The following XRCC2 variants were observed in gnomAD, a reference collection of about 807,000 sequenced individuals.
The protein encoded by XRCC2 is X-ray repair cross complementing 2, also known as DNA repair protein XRCC2.
In XRCC2, 24 loss-of-function variants were observed where a neutral mutation model predicts 27.3. The observed-to-expected ratio is 0.88, with a 90% CI of 0.64 to 1.24. The LOEUF is 1.24. Ranked by LOEUF, XRCC2 falls within the 50% of genes most tolerant of loss-of-function variation. The pLI is 0.00. For missense variants in XRCC2, 321 were observed against 325.8 expected (o/e 0.99, Z 0.11); for synonymous variants, 106 against 115.4 (o/e 0.92, Z 0.52).
At chr7:152,671,138 A>G (rs2098037999) in intron 1 of XRCC2, among the ~76,000 whole-genome samples, 1 of 152,120 alleles carries the variant, frequency 6.6e-6, no homozygotes, top group South Asian at 2.1e-4. Flanking sequence ...TCACTTGGAT[A>G]TGGGAGGCGG....
chr7:152,663,331 A>G (rs3218455), intron 1 of XRCC2, among the ~76,000 whole-genome samples: 7,468 of 124,536 alleles, frequency 0.06, 302 homozygotes, highest in Middle Eastern at 0.11. Flanking sequence ...GCTTTACGTA[A>G]GAATGTCTTT....
At chr7:152,668,447 A>C (rs1563033306) in intron 1 of XRCC2, among the ~76,000 whole-genome samples, 1 of 152,164 alleles carries the variant, frequency 6.6e-6, no homozygotes, top group African/African-American at 2.4e-5. Context: ...ATTAAAATTA[A>C]TGATGTCCAG....
At chr7:152,659,500 TCTGACG>T (rs1263853412) in intron 2 of XRCC2, among the ~76,000 whole-genome samples, 3 of 152,158 alleles carry the variant, frequency 2.0e-5, no homozygotes, top group Admixed American at 2.0e-4. Flanking sequence ...GAGCAAAGGA[TCTGACG>T]TTTCTTCAAA....
intron 1 of XRCC2, among the ~76,000 whole-genome samples, chr7:152,669,701 C>G (rs1344762460): frequency 6.6e-6 from 1 of 151,868 alleles, no homozygotes; most frequent in African/African-American, 2.4e-5. Context: ...CCATGCCTGG[C>G]CACTTACCGG....
chr7:152,667,601 C>T (rs1045218275), intron 1 of XRCC2, among the ~76,000 whole-genome samples: 3 of 146,336 alleles, frequency 2.1e-5, no homozygotes, highest in Non-Finnish European at 3.1e-5. Flanking sequence ...TCCAAAGCAA[C>T]GTTTTACAAC....
intron 1 of XRCC2, among the ~76,000 whole-genome samples, chr7:152,669,622 C>T (rs1314714062): frequency 6.6e-6 from 1 of 151,874 alleles, no homozygotes; most frequent in Non-Finnish European, 1.5e-5. Flanking sequence ...AGGCTGGTCT[C>T]AAACTCCTGA....
At chr7:152,665,652 T>C (rs1221819354) in intron 1 of XRCC2, among the ~76,000 whole-genome samples, 1 of 152,002 alleles carries the variant, frequency 6.6e-6, no homozygotes, top group Non-Finnish European at 1.5e-5. Flanking sequence ...GCTAATTTTT[T>C]TTGTTATTTT....
At chr7:152,667,728 T>C (rs1286573924) in intron 1 of XRCC2, among the ~76,000 whole-genome samples, 1 of 152,058 alleles carries the variant, frequency 6.6e-6, no homozygotes, top group Non-Finnish European at 1.5e-5. Context: ...AAGCAAATTG[T>C]TAATATTACA....
At chr7:152,662,607 C>T (rs2098033615) in intron 1 of XRCC2, among the ~76,000 whole-genome samples, 1 of 111,942 alleles carries the variant, frequency 8.9e-6, no homozygotes, top group African/African-American at 3.5e-5. Flanking sequence ...GAGTCTCGCT[C>T]TGTCGCCCAG....
intron 1 of XRCC2, 53 bp downstream of exon 1, chr7:152,675,988 C>A (rs1350561432): frequency 6.2e-7 from 1 of 1,611,274 alleles, no homozygotes; most frequent in African/African-American, 1.3e-5. Context: ...GCTCCCCTCG[C>A]CCACCGGCGG....
At chr7:152,662,723 C>T (rs3218464) in intron 1 of XRCC2, among the ~76,000 whole-genome samples, 2,611 of 150,616 alleles carry the variant, frequency 0.017, 68 homozygotes, top group African/African-American at 0.059. Flanking sequence ...CAGGCGCCCG[C>T]CACTACGCCC....
At chr7:152,662,109 C>T (rs2098033359) in intron 1 of XRCC2, among the ~76,000 whole-genome samples, 1 of 152,118 alleles carries the variant, frequency 6.6e-6, no homozygotes, top group African/African-American at 2.4e-5. Flanking sequence ...GGATTACAGG[C>T]ACCCACCACC....
chr7:152,655,922 G>A (rs1233343026), intron 2 of XRCC2, among the ~76,000 whole-genome samples: 3 of 152,104 alleles, frequency 2.0e-5, no homozygotes, highest in African/African-American at 4.8e-5. Context: ...TGAGGTTGCA[G>A]TGAGCCGAGA....
chr7:152,665,598 G>A (rs540194185), intron 1 of XRCC2, among the ~76,000 whole-genome samples: 47 of 139,612 alleles, frequency 3.4e-4, no homozygotes, highest in Non-Finnish European at 4.2e-4. Flanking sequence ...CTCCCACCTC[G>A]GCCTCCCAAG....
intron 1 of XRCC2, among the ~76,000 whole-genome samples, chr7:152,673,301 C>A (rs940782066): frequency 1.2e-4 from 18 of 151,928 alleles, no homozygotes; most frequent in African/African-American, 4.4e-4. Flanking sequence ...TCTTCCTTCA[C>A]CCTCCCAAGT....
chr7:152,644,787 C>A lies in XRCC2; in HGVS notation c.*3855G>T, dbSNP rs2098025002. On this transcript the variant is annotated 3_prime_UTR_variant, in exon 3 of 3. Coordinates refer to ENST00000359321, the MANE Select transcript of XRCC2 (RefSeq NM_005431.2). ...AAGACATCATTCTATTTATAGCATT[C>A]TGTCTTTAGTAGTGGTATTTCCATT... 6.6e-6 allele frequency: 1 copy of A among 152,134 alleles called. No homozygotes were observed. The highest frequency in any genetic ancestry group is 1.5e-5 in the Non-Finnish European group (1 of 68,022). The allele number at this position is 152,134 out of a possible 1,614,324, so 9.4% of individuals were successfully genotyped here.
chr7:152,649,421 A>AACC, intron 2 of XRCC2, 58 bp from the exon 3 acceptor site: 2 of 1,505,412 alleles, frequency 1.3e-6, no homozygotes, highest in Non-Finnish European at 1.8e-6. Flanking sequence ...AGGTTACAAA[A>AACC]TGCAAAGTCT....
At chr7:152,664,882 T>G (rs1216161541) in intron 1 of XRCC2, among the ~76,000 whole-genome samples, 1 of 152,030 alleles carries the variant, frequency 6.6e-6, no homozygotes, top group Non-Finnish European at 1.5e-5. Flanking sequence ...CCTGATAAGA[T>G]CCTAGGAATT....
At chr7:152,675,798 C>T (rs1345982054) in intron 1 of XRCC2, among the ~76,000 whole-genome samples, 2 of 152,158 alleles carry the variant, frequency 1.3e-5, no homozygotes, top group East Asian at 1.9e-4. Flanking sequence ...AGAAAGACTT[C>T]CTCCACCTCC....
Sources: gnomAD v4.1 joint callset for allele counts (sites outside exome capture counted in the v4.1 genomes callset) on GRCh38, gnomAD v4.1.1 for gene constraint, MANE v1.5 for transcripts, NCBI Gene and HGNC (gene_info 2026-07-23, HGNC 2026-07-21) for gene names.